The following SKA2 variants were observed in gnomAD, a reference collection of about 807,000 sequenced individuals.
SKA2 encodes spindle and kinetochore associated complex subunit 2, also known as spindle and kinetochore-associated protein 2.
A neutral mutation model predicts 16.9 loss-of-function variants in SKA2; 13 were observed. That is an observed-to-expected ratio of 0.77 (90% CI 0.50 to 1.22). The LOEUF (loss-of-function observed/expected upper bound fraction) is 1.22. Among genes scored for constraint, SKA2 ranks in the 50% most tolerant of loss-of-function variants. The pLI is 0.00. For missense variants in SKA2, 107 were observed against 139.7 expected, an observed-to-expected ratio of 0.77 and a Z score of 1.18; for synonymous variants, 47 against 48.5, an observed-to-expected ratio of 0.97 and a Z score of 0.13.
chr17:59,142,708 C>A (rs2046500993), intron 1 of SKA2, among the ~76,000 whole-genome samples: 1 of 151,564 alleles, frequency 6.6e-6, no homozygotes, highest in Non-Finnish European at 1.5e-5. Flanking sequence ...GGGTGGATCA[C>A]CTGAGGTCAG....
intron 1 of SKA2, among the ~76,000 whole-genome samples, chr17:59,148,491 C>T (rs2046551123): frequency 6.6e-6 from 1 of 152,092 alleles, no homozygotes; most frequent in African/African-American, 2.4e-5. Context: ...AATCATGGCT[C>T]ACTGCAGCCT....
intron 1 of SKA2, among the ~76,000 whole-genome samples, chr17:59,144,986 C>T (rs372563749): frequency 4.6e-5 from 7 of 152,144 alleles, no homozygotes; most frequent in Admixed American, 1.3e-4. Flanking sequence ...TTAGTAGAGA[C>T]GGGGTTTCAC....
At chr17:59,130,440 C>T (rs186352591) in intron 2 of SKA2, among the ~76,000 whole-genome samples, 3 of 140,266 alleles carry the variant, frequency 2.1e-5, no homozygotes, top group East Asian at 2.1e-4. Flanking sequence ...AGTGAAACTC[C>T]GTCTCTACTA....
chr17:59,125,147 ATTTTTTTTTTTT>A (rs10719455), intron 2 of SKA2, among the ~76,000 whole-genome samples: 2 of 95,942 alleles, frequency 2.1e-5, no homozygotes, highest in Non-Finnish European at 4.2e-5. Flanking sequence ...CTAATTTTGT[ATTTTTTTTTTTT>A]TTTTTTTTTT....
chr17:59,144,870 C>T (rs966871835), intron 1 of SKA2, among the ~76,000 whole-genome samples: 3 of 152,050 alleles, frequency 2.0e-5, no homozygotes, highest in Admixed American at 6.6e-5. Context: ...TAGAGGGCGA[C>T]GCTGCATCCT....
chr17:59,138,203 G>GA (rs1211862596), intron 1 of SKA2, among the ~76,000 whole-genome samples: 1 of 151,860 alleles, frequency 6.6e-6, no homozygotes, highest in Non-Finnish European at 1.5e-5. Context: ...AAAATTAGGT[G>GA]AAAAAAGTCT....
chr17:59,115,052 T>C (rs2046287204), intron 3 of SKA2, among the ~76,000 whole-genome samples: 1 of 151,258 alleles, frequency 6.6e-6, no homozygotes, highest in Non-Finnish European at 1.5e-5. Context: ...TCGTTCTTTC[T>C]TCCTTTTTTT....
At chr17:59,138,409 AG>A (rs1199069583) in intron 1 of SKA2, among the ~76,000 whole-genome samples, 2 of 151,514 alleles carry the variant, frequency 1.3e-5, no homozygotes, top group African/African-American at 4.8e-5. Context: ...ATTTTGGATT[AG>A]GGATGCTCAA....
intron 2 of SKA2, chr17:59,129,358 T>TCACAC (rs1555711821): frequency 1.5e-5 from 2 of 136,792 alleles, no homozygotes; most frequent in Non-Finnish European, 3.1e-5. Flanking sequence ...TAAACACACA[T>TCACAC]ACACACACAC....
chr17:59,151,916 T>C (rs1280863096), intron 1 of SKA2: 1 of 152,210 alleles, frequency 6.6e-6, no homozygotes, highest in Non-Finnish European at 1.5e-5. Flanking sequence ...AAATCTTAAA[T>C]AGAGGCAGAA....
intron 1 of SKA2, chr17:59,151,918 G>C (rs1236451070): frequency 1.3e-5 from 2 of 152,170 alleles, no homozygotes; most frequent in Non-Finnish European, 2.9e-5. Flanking sequence ...ATCTTAAATA[G>C]AGGCAGAAAG....
chr17:59,135,306 C>T (rs2046436849), intron 1 of SKA2, among the ~76,000 whole-genome samples: 1 of 143,028 alleles, frequency 7.0e-6, no homozygotes, highest in African/African-American at 2.6e-5. Context: ...ATCAACTAAA[C>T]TGTCTTTTTT....
intron 2 of SKA2, among the ~76,000 whole-genome samples, chr17:59,126,906 A>G (rs543618895): frequency 7.9e-5 from 12 of 152,360 alleles, no homozygotes; most frequent in Non-Finnish European, 1.6e-4. Flanking sequence ...AATGTGGTAC[A>G]TACATTCAAT....
intron 1 of SKA2, among the ~76,000 whole-genome samples, chr17:59,140,287 T>C (rs2046478046): frequency 6.6e-6 from 1 of 151,814 alleles, no homozygotes; most frequent in Non-Finnish European, 1.5e-5. Flanking sequence ...TGAAGTGCAA[T>C]GGCACGATCT....
At chr17:59,129,865 G>A (rs988336562) in intron 2 of SKA2, among the ~76,000 whole-genome samples, 1 of 134,450 alleles carries the variant, frequency 7.4e-6, no homozygotes, top group Non-Finnish European at 1.6e-5. Context: ...GGGAAGGGAG[G>A]AAAGGGAGGG....
At chr17:59,143,970 A>G (rs1174151646) in intron 1 of SKA2, among the ~76,000 whole-genome samples, 2 of 152,074 alleles carry the variant, frequency 1.3e-5, no homozygotes, top group African/African-American at 4.8e-5. Flanking sequence ...ATCCCGGCCA[A>G]CATGGTGAAA....
intron 3 of SKA2, among the ~76,000 whole-genome samples, chr17:59,118,845 A>G (rs1346730003): frequency 2.0e-5 from 3 of 152,206 alleles, no homozygotes; most frequent in Non-Finnish European, 4.4e-5. Context: ...TACTCTAGCT[A>G]CAAGCCCATA....
chr17:59,133,859 G>T (rs925039971), intron 1 of SKA2, among the ~76,000 whole-genome samples: 1 of 152,100 alleles, frequency 6.6e-6, no homozygotes, highest in Non-Finnish European at 1.5e-5. Flanking sequence ...GAAGGTTTTT[G>T]TTTTTAAACA....
intron 1 of SKA2, among the ~76,000 whole-genome samples, chr17:59,141,858 G>T (rs1422741973): frequency 1.3e-5 from 2 of 152,084 alleles, no homozygotes; most frequent in Non-Finnish European, 2.9e-5. Context: ...GGTACTCTAG[G>T]CTAGGCTGAG....
Sources: gnomAD v4.1 joint callset for allele counts (sites outside exome capture counted in the v4.1 genomes callset) on GRCh38, gnomAD v4.1.1 for gene constraint, MANE v1.5 for transcripts, NCBI Gene and HGNC (gene_info 2026-07-23, HGNC 2026-07-21) for gene names.